Variants in FOXS1 observed in about 807,000 individuals in gnomAD.
The protein encoded by FOXS1 is forkhead box S1.
FOXS1 carries 7 observed loss-of-function variants against 13.0 expected under a neutral mutation model. The ratio of observed to expected loss-of-function variants is 0.54; its 90% CI spans 0.31 to 1.01. The LOEUF is 1.01. FOXS1 is among the 50% of genes least tolerant of loss of function. The pLI is 0.06. For synonymous variants in FOXS1, 161 were observed against 189.3 expected, an observed-to-expected ratio of 0.85 and a Z score of 1.23; for missense variants, 414 against 464.1, an observed-to-expected ratio of 0.89 and a Z score of 0.99.
In FOXS1 at chr20:31,845,072, C is replaced by G. The variant is rs1273651350; in HGVS notation, c.471G>C (p.Glu157Asp). The change falls in exon 1 of 1, where the codon GAG becomes GAC. Residue 157 changes from glutamate to aspartate, a missense_variant. Physicochemically the swap from Glu to Asp is conservative, Grantham distance 45. Coordinates refer to ENST00000375978, the MANE Select transcript of FOXS1 (RefSeq NM_004118.4). ...TTGRQCSFPP[E>D]LPDPKGLSFG... ...AGCTTAGGCCCTTGGGATCTGGCAG[C>G]TCTGGTGGGAATGAGCACTGCCTGC... 1 of 1,610,832 alleles carries G rather than the reference C, an allele frequency of 6.2e-7. No homozygotes were observed. The highest frequency in any genetic ancestry group is 8.5e-7 in the Non-Finnish European group (1 of 1,179,672).
Position 31,844,614 on chromosome 20 carries a change from G to A in FOXS1, c.929C>T (p.Ser310Phe). Residue 310 changes from serine (S) to phenylalanine (F), a missense_variant, in exon 1 of 1, where the codon TCC (serine) becomes TTC (phenylalanine). Ser to Phe is a radical substitution (Grantham distance 155). Coordinates refer to ENST00000375978, the MANE Select transcript of FOXS1 (RefSeq NM_004118.4). ...VAGGFPVQGG[S>F]GYPLGLTPCL... ...GGGGGTCAGCCCCAATGGGTAGCCGGAGCCTCCCTGGACAGGGAAGCCACC... is the reference window on the plus strand; with the variant it reads ...GGGGGTCAGCCCCAATGGGTAGCCGAAGCCTCCCTGGACAGGGAAGCCACC... The A allele has an allele frequency of 6.2e-7, 1 of 1,614,076 alleles. No individual in the cohort carries two copies. The highest frequency in any genetic ancestry group is 8.5e-7 in the Non-Finnish European group (1 of 1,179,996).
At position 31,844,725 on chromosome 20, in the gene FOXS1, G is replaced by T; in HGVS notation, c.818C>A (p.Ala273Asp). Residue 273 changes from alanine (A) to aspartate (D), a missense_variant, in exon 1 of 1, where the codon GCC becomes GAC. Ala to Asp is a moderately radical substitution (Grantham distance 126, BLOSUM62 -2). Transcript: ENST00000375978. ...PGLEHLLASAAPSPAPPTPPG... is the reference protein window; with the variant it reads ...PGLEHLLASADPSPAPPTPPG... Reference sequence around the variant, plus strand: ...AGGGGTGGGTGGTGCAGGGGAGGGGGCTGCTGAGGCCAAGAGGTGCTCAAG... The same window carrying T: ...AGGGGTGGGTGGTGCAGGGGAGGGGTCTGCTGAGGCCAAGAGGTGCTCAAG... The T allele has an allele frequency of 6.2e-7, 1 of 1,613,408 alleles. No individual in the cohort carries two copies. Among genetic ancestry groups the T allele is most frequent in the South Asian group, 1.1e-5 (1 of 91,008 alleles).
chr20:31,844,714 C>T lies in FOXS1; in HGVS notation c.829G>A (p.Ala277Thr). ...AGTGAGCCTGGAGGGGTGGGTGGTG[C>T]AGGGGAGGGGGCTGCTGAGGCCAAG... is the stretch of plus-strand genomic sequence containing the variant. ...HLLASAAPSP[A>T]PPTPPGSLRA... Residue 277 changes from alanine to threonine, a missense_variant, in exon 1 of 1, where the codon GCA becomes ACA. By Grantham distance (58) the Ala-to-Thr change is moderately conservative. Transcript: ENST00000375978. The T allele has an allele frequency of 6.2e-7, 1 of 1,612,982 alleles. No individual in the cohort carries two copies. The highest frequency in any genetic ancestry group is 8.5e-7 in the Non-Finnish European group (1 of 1,179,324).
Position 31,844,324 on chromosome 20 carries a change from G to A in FOXS1, c.*226C>T. ...ACCCTCATCATCACATGGCTTTATTGGCCCTGAGAGCCACAGAGTAAATCC... is the reference window on the plus strand; with the variant it reads ...ACCCTCATCATCACATGGCTTTATTAGCCCTGAGAGCCACAGAGTAAATCC... On this transcript the variant is annotated 3_prime_UTR_variant, in exon 1 of 1. Coordinates refer to ENST00000375978, the MANE Select transcript of FOXS1 (RefSeq NM_004118.4). 1 of 576,076 alleles carries A rather than the reference G, an allele frequency of 1.7e-6. No individual in the cohort carries two copies. The highest frequency in any genetic ancestry group is 3.1e-6 in the Non-Finnish European group (1 of 327,456). 35.7% of individuals were successfully genotyped at this position (576,076 alleles called of 1,614,324 possible).
chr20:31,845,246 G>T lies in FOXS1; in HGVS notation c.297C>A (p.His99Gln). The part of the protein sequence containing the change: ...GSYWTLDPDC[H>Q]DMFEHGSFLR... ...GGAAGCTGCCGTGCTCAAACATGTC[G>T]TGGCAGTCAGGGTCCAGCGTCCAGT... The change falls in exon 1 of 1, where the codon CAC becomes CAA. Residue 99 changes from histidine (H) to glutamine (Q), a missense_variant. By Grantham distance (24) the His-to-Gln change is conservative (BLOSUM62 0). Transcript: ENST00000375978. The T allele has an allele frequency of 1.2e-6, 2 of 1,614,094 alleles. No homozygotes were observed. The highest frequency in any genetic ancestry group is 1.7e-6 in the Non-Finnish European group (2 of 1,179,966).
Position 31,844,365 on chromosome 20 carries a change from C to G in FOXS1, c.*185G>C. ...GAGTAAATCCCAAGAGGCCCTGCTT[C>G]CCCTCACCCCCAAGTTTGTCCGGAG... On this transcript the variant is annotated 3_prime_UTR_variant, in exon 1 of 1. Transcript: ENST00000375978. 1 of 667,814 alleles carries G rather than the reference C, an allele frequency of 1.5e-6. No homozygotes were observed. Among genetic ancestry groups the G allele is most frequent in the Non-Finnish European group, 2.6e-6 (1 of 388,292 alleles). 41.4% of individuals were successfully genotyped at this position (667,814 alleles called of 1,614,324 possible).
At position 31,844,534 on chromosome 20, in the gene FOXS1, C is replaced by T. The variant is rs989812947; in HGVS notation, c.*16G>A. On this transcript the variant is annotated 3_prime_UTR_variant, in exon 1 of 1. Coordinates refer to ENST00000375978, the MANE Select transcript of FOXS1 (RefSeq NM_004118.4). The stretch of plus-strand genomic sequence containing the variant: ...GGGTGAGGGACCTGCAGGGACTGCC[C>T]GAGGTGAGGCTGCCTTTACTCAAAG... 16 of 1,612,408 alleles carry T rather than the reference C, an allele frequency of 9.9e-6. No homozygotes were observed. The highest frequency in any genetic ancestry group is 2.2e-5 in the East Asian group (1 of 44,874).
chr20:31,845,278 C>T lies in FOXS1; in HGVS notation c.265G>A (p.Gly89Ser). The T allele has an allele frequency of 3.1e-6, 5 of 1,614,206 alleles. No individual in the cohort carries two copies. The East Asian group carries it at 1.1e-4, about 36-fold the overall frequency. Residue 89 changes from glycine (G) to serine (S), a missense_variant, in exon 1 of 1, where the codon GGC (glycine) becomes AGC (serine). Transcript: ENST00000375978. The part of the protein sequence containing the change: ...VPRDDRKPGK[G>S]SYWTLDPDCH... ...TCAGGGTCCAGCGTCCAGTAGCTGC[C>T]CTTGCCTGGCTTGCGGTCATCGCGG...
In FOXS1 at chr20:31,845,377, G is replaced by A. The variant is rs1600421159; in HGVS notation, c.166C>T (p.Arg56Cys). Residue 56 changes from arginine (R) to cysteine (C), a missense_variant, in exon 1 of 1, where the codon CGC (arginine) becomes TGC (cysteine). By Grantham distance (180) the Arg-to-Cys change is radical. Transcript: ENST00000375978. ...RYIMGRFAFY[R>C]HNRPGWQNSI... is the part of the protein sequence containing the mutation. ...TTCTGCCAGCCGGGCCGGTTGTGGC[G>A]GTAGAAGGCGAATCGGCCCATGATG... 7 of 1,614,238 alleles carry A rather than the reference G, an allele frequency of 4.3e-6. No individual in the cohort carries two copies. The highest frequency in any genetic ancestry group is 5.9e-6 in the Non-Finnish European group (7 of 1,180,036).
In FOXS1 at chr20:31,844,601, C is replaced by T; in HGVS notation, c.942G>A (p.Leu314=). Residue 314 remains leucine (L), a synonymous_variant, in exon 1 of 1, where the codon TTG becomes TTA. Transcript: ENST00000375978. The stretch of plus-strand genomic sequence containing the variant: ...TCCGGTATAGGCAGGGGGTCAGCCC[C>T]AATGGGTAGCCGGAGCCTCCCTGGA... ...FPVQGGSGYP[L]GLTPCLYRTP... The T allele has an allele frequency of 6.2e-7, 1 of 1,614,004 alleles. No individual in the cohort carries two copies.
rs779497548 is a variant in FOXS1, at chr20:31,845,068, G to A, written c.475C>T (p.Pro159Ser). The change falls in exon 1 of 1, where the codon CCA becomes TCA. Residue 159 changes from proline (P) to serine (S), a missense_variant. Pro to Ser is a moderately conservative substitution (Grantham distance 74, BLOSUM62 -1). Coordinates refer to ENST00000375978, the MANE Select transcript of FOXS1 (RefSeq NM_004118.4). Reference sequence around the variant, plus strand: ...CCAAAGCTTAGGCCCTTGGGATCTGGCAGCTCTGGTGGGAATGAGCACTGC... The same window carrying A: ...CCAAAGCTTAGGCCCTTGGGATCTGACAGCTCTGGTGGGAATGAGCACTGC... ...GRQCSFPPEL[P>S]DPKGLSFGGL... is the part of the protein sequence containing the mutation. The A allele has an allele frequency of 1.2e-6, 2 of 1,611,192 alleles. No individual in the cohort carries two copies. Among genetic ancestry groups the A allele is most frequent in the Non-Finnish European group, 1.7e-6 (2 of 1,179,740 alleles).
rs1311881622 is a variant in FOXS1, at chr20:31,844,571, T to A, written c.972A>T (p.Pro324=). The stretch of plus-strand genomic sequence containing the variant: ...GCCTTTACTCAAAGAAGAACATTCC[T>A]GGCGTCCGGTATAGGCAGGGGGTCA... ...LGLTPCLYRT[P]GMFFFE The change falls in exon 1 of 1, where the codon CCA becomes CCT. Residue 324 remains proline (P), a synonymous_variant. Coordinates refer to ENST00000375978, the MANE Select transcript of FOXS1 (RefSeq NM_004118.4). The A allele has an allele frequency of 6.2e-7, 1 of 1,613,926 alleles. No individual in the cohort carries two copies. The highest frequency in any genetic ancestry group is 8.5e-7 in the Non-Finnish European group (1 of 1,180,024).
In FOXS1 at chr20:31,845,323, C is replaced by T. The variant is rs45499294; in HGVS notation, c.220G>A (p.Glu74Lys). ...TCGCGGGGCACCTTGACAAAGCACT[C>T]GTTGAGTGACAGGTTGTGGCGGATG... The part of the protein sequence containing the change: ...NSIRHNLSLN[E>K]CFVKVPRDDR... Residue 74 changes from glutamate (E) to lysine (K), a missense_variant, in exon 1 of 1, where the codon GAG (glutamate) becomes AAG (lysine). By Grantham distance (56) the Glu-to-Lys change is moderately conservative (BLOSUM62 1). Coordinates refer to ENST00000375978, the MANE Select transcript of FOXS1 (RefSeq NM_004118.4). 4,824 of 1,614,236 alleles carry T rather than the reference C, an allele frequency of 3.0e-3. 11 individuals are homozygous for T. The highest frequency in any genetic ancestry group is 3.6e-3 in the Non-Finnish European group (4,249 of 1,180,032).
chr20:31,845,309 C>T lies in FOXS1; in HGVS notation c.234G>A (p.Lys78=), dbSNP rs763422757. The T allele has an allele frequency of 7.4e-6, 12 of 1,614,242 alleles. No homozygotes were observed. Among genetic ancestry groups the T allele is most frequent in the Non-Finnish European group, 8.5e-6 (10 of 1,180,042 alleles). Residue 78 remains lysine, a synonymous_variant, in exon 1 of 1, where the codon AAG becomes AAA. Transcript: ENST00000375978. Reference sequence around the variant, plus strand: ...CTGGCTTGCGGTCATCGCGGGGCACCTTGACAAAGCACTCGTTGAGTGACA... The same window carrying T: ...CTGGCTTGCGGTCATCGCGGGGCACTTTGACAAAGCACTCGTTGAGTGACA... ...HNLSLNECFV[K]VPRDDRKPGK...
chr20:31,844,993 C>T lies in FOXS1; in HGVS notation c.550G>A (p.Gly184Ser), dbSNP rs766164073. Residue 184 changes from glycine to serine, a missense_variant, in exon 1 of 1, where the codon GGC becomes AGC. Coordinates refer to ENST00000375978, the MANE Select transcript of FOXS1 (RefSeq NM_004118.4). ...GGCTCCATGGGTGGCCGAGGCCTGC[C>T]ATCAGTGGTTGCTGGGCACATACTG... ...PASMCPATTDGRPRPPMEPKE... is the reference protein window; with the variant it reads ...PASMCPATTDSRPRPPMEPKE... The T allele has an allele frequency of 6.2e-6, 10 of 1,614,024 alleles. No homozygotes were observed. In the South Asian group the frequency reaches 6.6e-5, roughly 11 times the overall value.
chr20:31,844,587 C>T lies in FOXS1; in HGVS notation c.956G>A (p.Cys319Tyr). The change falls in exon 1 of 1, where the codon TGC (cysteine) becomes TAC (tyrosine). Residue 319 changes from cysteine (C) to tyrosine (Y), a missense_variant. Cys to Tyr is a radical substitution (Grantham distance 194, BLOSUM62 -2). Transcript: ENST00000375978. Reference protein sequence around the residue: ...GSGYPLGLTPCLYRTPGMFFF... With the variant: ...GSGYPLGLTPYLYRTPGMFFF... Reference sequence around the variant, plus strand: ...GAACATTCCTGGCGTCCGGTATAGGCAGGGGGTCAGCCCCAATGGGTAGCC... The same window carrying T: ...GAACATTCCTGGCGTCCGGTATAGGTAGGGGGTCAGCCCCAATGGGTAGCC... 6.2e-7 allele frequency: 1 copy of T among 1,614,088 alleles called. No individual in the cohort carries two copies. The highest frequency in any genetic ancestry group is 8.5e-7 in the Non-Finnish European group (1 of 1,180,026).
rs1347278687 is a variant in FOXS1, at chr20:31,845,529, G to GGCT, written c.11_13dup (p.Gln4dup). 1.9e-6 allele frequency: 3 copies of GGCT among 1,612,636 alleles called. 1 individual carries two copies. Among genetic ancestry groups the GGCT allele is most frequent in the East Asian group, 4.5e-5 (2 of 44,836 alleles). Reference sequence around the variant, plus strand: ...TGTGGGGGCGCCAGGCCCGGGCAGAGGCTGCTGCTGCATGCTGGCCGGGCT... The same window carrying GGCT: ...TGTGGGGGCGCCAGGCCCGGGCAGAGGCTGCTGCTGCTGCATGCTGGCCGGGCT... On this transcript the variant is annotated inframe_insertion, in exon 1 of 1. Transcript: ENST00000375978.
rs185855724 is a variant in FOXS1, at chr20:31,844,471, G to T, written c.*79C>A. 2.4e-4 allele frequency: 366 copies of T among 1,524,558 alleles called. 1 individual carries two copies. Among genetic ancestry groups the T allele is most frequent in the Non-Finnish European group, 1.0e-4 (116 of 1,120,086 alleles). 94.4% of individuals were successfully genotyped at this position (1,524,558 alleles called of 1,614,324 possible). On this transcript the variant is annotated 3_prime_UTR_variant, in exon 1 of 1. Transcript: ENST00000375978. Reference sequence around the variant, plus strand: ...TTGGCTCACCAGGGCTGGGTCCTTCGAGAGTTCTTCAGGTCCTAGAGCCAG... The same window carrying T: ...TTGGCTCACCAGGGCTGGGTCCTTCTAGAGTTCTTCAGGTCCTAGAGCCAG...
In FOXS1 at chr20:31,844,450, C is replaced by A; in HGVS notation, c.*100G>T. 1 of 1,416,198 alleles carries A rather than the reference C, an allele frequency of 7.1e-7. No homozygotes were observed. The highest frequency in any genetic ancestry group is 1.3e-5 in the South Asian group (1 of 75,122). 87.7% of individuals were successfully genotyped at this position (1,416,198 alleles called of 1,614,324 possible). A position where few individuals can be genotyped will look rare whatever the true frequency, so the allele number is the denominator to read the frequency against. ...TGGCTTTCTGTGTGGTTGTCCTTGGCTCACCAGGGCTGGGTCCTTCGAGAG... is the reference window on the plus strand; with the variant it reads ...TGGCTTTCTGTGTGGTTGTCCTTGGATCACCAGGGCTGGGTCCTTCGAGAG... On this transcript the variant is annotated 3_prime_UTR_variant, in exon 1 of 1. Transcript: ENST00000375978.
Sources: gnomAD v4.1 joint callset for allele counts on GRCh38, gnomAD v4.1.1 for gene constraint, MANE v1.5 for transcripts, NCBI Gene and HGNC (gene_info 2026-07-23, HGNC 2026-07-21) for gene names.